Variants in GSDMC observed in about 807,000 individuals in gnomAD.
GSDMC encodes the protein gasdermin-C.
In GSDMC, 59 loss-of-function variants were observed where a neutral mutation model predicts 58.0. The observed-to-expected ratio is 1.02, with a 90% CI of 0.82 to 1.26. GSDMC has a LOEUF of 1.26. Among genes scored for constraint, GSDMC ranks in the 50% most tolerant of loss-of-function variants. The pLI, the probability that GSDMC is intolerant of heterozygous loss-of-function variation, is 0.00. For missense variants in GSDMC, 659 were observed against 598.5 expected, an observed-to-expected ratio of 1.10 and a Z score of -1.06; for synonymous variants, 241 against 220.2, an observed-to-expected ratio of 1.09 and a Z score of -0.83.
chr8:129,744,178 G>T (rs4308697), downstream of GSDMC, among the ~76,000 whole-genome samples: 1 of 152,318 alleles, frequency 6.6e-6, no homozygotes, highest in African/African-American at 2.4e-5. Context: ...CTGTGGTTCA[G>T]AATGTGCTCC....
intron 3 of GSDMC, among the ~76,000 whole-genome samples, chr8:129,774,811 A>G (rs1448520374): frequency 6.6e-6 from 1 of 152,236 alleles, no homozygotes; most frequent in East Asian, 1.9e-4. Context: ...GAAATAAGCT[A>G]ACAGGCACAT....
rs1044255255 is a variant in GSDMC at position 129,765,928 on chromosome 8, G to A, written c.405-135C>T. On this transcript the variant is annotated intron_variant, in intron 3 of 13. Transcript: ENST00000276708. Reference sequence around the variant, plus strand: ...ACCCTGACAGGTAAGTCACCAATGGGTGGTAGGGCAGCAGAATGTTTTATC... The same window carrying A: ...ACCCTGACAGGTAAGTCACCAATGGATGGTAGGGCAGCAGAATGTTTTATC... 42 of 630,924 alleles carry A rather than the reference G, an allele frequency of 6.7e-5. No homozygotes were observed. In the African/African-American group the frequency reaches 6.8e-4, roughly 10 times the overall value. The allele number at this position is 630,924 out of a possible 1,614,324, so 39.1% of individuals were successfully genotyped here.
the GSDMC span, among the ~76,000 whole-genome samples, chr8:129,731,718 G>A: frequency 6.6e-6 from 1 of 152,152 alleles, no homozygotes; most frequent in East Asian, 1.9e-4. Context: ...AAAGTTCACT[G>A]ATTTAAATGT....
intron 3 of GSDMC, among the ~76,000 whole-genome samples, chr8:129,772,625 G>A (rs561716137): frequency 1.3e-5 from 2 of 152,258 alleles, no homozygotes; most frequent in East Asian, 3.9e-4. Flanking sequence ...GATTAAATCA[G>A]TAATCAAAAA....
the GSDMC span, among the ~76,000 whole-genome samples, chr8:129,728,353 G>A: frequency 5.3e-5 from 8 of 152,288 alleles, no homozygotes; most frequent in South Asian, 2.1e-4. Context: ...ACACCCAGGC[G>A]GATCTCCGGG....
At chr8:129,707,064 C>A in the GSDMC span, 1 of 152,198 alleles carries the variant, frequency 6.6e-6, no homozygotes, top group Non-Finnish European at 1.5e-5. Context: ...CTTCCTCTCA[C>A]GGCACTGTAA....
chr8:129,776,819 G>A (rs960513037), intron 2 of GSDMC, among the ~76,000 whole-genome samples: 1 of 152,062 alleles, frequency 6.6e-6, no homozygotes, highest in Non-Finnish European at 1.5e-5. Context: ...GGAGTGCATT[G>A]GTGCAATCCC....
intron 2 of GSDMC, among the ~76,000 whole-genome samples, chr8:129,776,719 T>TTACTG (rs2034239377): frequency 6.8e-6 from 1 of 147,984 alleles, no homozygotes; most frequent in African/African-American, 2.6e-5. Flanking sequence ...GACATAACTG[T>TTACTG]TTTTTTGTTT....
At position 129,750,506 on chromosome 8, in the gene GSDMC, A is replaced by G; in HGVS notation, c.1008T>C (p.Asp336=). Residue 336 remains aspartate, a synonymous_variant, in exon 11 of 14, where the codon GAT becomes GAC. Transcript: ENST00000276708. ...TACTGTAGAACATGACATCCTGAACATCCTTTGAGAGCTGAGCCAGTGTCT... is the reference window on the plus strand; with the variant it reads ...TACTGTAGAACATGACATCCTGAACGTCCTTTGAGAGCTGAGCCAGTGTCT... ...KIKTLAQLSK[D]VQDVMFYSIL... 1.2e-6 allele frequency: 2 copies of G among 1,613,810 alleles called. No homozygotes were observed. The highest frequency in any genetic ancestry group is 1.7e-6 in the Non-Finnish European group (2 of 1,179,736).
At chr8:129,742,765 A>G in the GSDMC span, among the ~76,000 whole-genome samples, 1 of 152,166 alleles carries the variant, frequency 6.6e-6, no homozygotes, top group Admixed American at 6.5e-5. Flanking sequence ...CTGTCCAATT[A>G]CTTGAAAACC....
the GSDMC span, among the ~76,000 whole-genome samples, chr8:129,706,295 C>G: frequency 6.6e-6 from 1 of 152,170 alleles, no homozygotes; most frequent in African/African-American, 2.4e-5. Flanking sequence ...ATTCAATTAT[C>G]ATCCACTATT....
chr8:129,739,038 G>C, the GSDMC span, among the ~76,000 whole-genome samples: 1 of 130,186 alleles, frequency 7.7e-6, no homozygotes, highest in Admixed American at 7.6e-5. Context: ...AAAGAAAAAA[G>C]AGTTTTTATT....
chr8:129,779,585 C>A (rs1269780992), intron 1 of GSDMC, among the ~76,000 whole-genome samples: 2 of 151,530 alleles, frequency 1.3e-5, no homozygotes, highest in African/African-American at 2.4e-5. Flanking sequence ...CATAACAAAC[C>A]TACACATGTA....
At chr8:129,735,994 A>G in the GSDMC span, among the ~76,000 whole-genome samples, 2 of 152,242 alleles carry the variant, frequency 1.3e-5, no homozygotes, top group Admixed American at 1.3e-4. Context: ...ATCCCACAGG[A>G]ATACAAACTA....
chr8:129,748,752 A>T lies in GSDMC; in HGVS notation c.1288-12T>A. The T allele has an allele frequency of 6.6e-7, 1 of 1,507,850 alleles. No homozygotes were observed. The highest frequency in any genetic ancestry group is 8.8e-7 in the Non-Finnish European group (1 of 1,130,696). 93.4% of individuals were successfully genotyped at this position (1,507,850 alleles called of 1,614,324 possible). On this transcript the variant is annotated splice_polypyrimidine_tract_variant and intron_variant, in intron 13 of 13. Transcript: ENST00000276708. The stretch of plus-strand genomic sequence containing the variant: ...AGGATGCTCCTTACCTAGAAGAAAG[A>T]TGATCAGGTTCTACAGACCAGCCTT...
chr8:129,780,911 GT>G (rs2034387180), intron 1 of GSDMC, among the ~76,000 whole-genome samples: 1 of 142,620 alleles, frequency 7.0e-6, no homozygotes. Context: ...AGAATGTAGA[GT>G]TTTTATTAGT....
At chr8:129,719,279 A>G in the GSDMC span, among the ~76,000 whole-genome samples, 7 of 152,224 alleles carry the variant, frequency 4.6e-5, no homozygotes, top group Admixed American at 2.6e-4. Context: ...ACAGATTATA[A>G]TGTTCATTTC....
chr8:129,751,887 G>C lies in GSDMC; in HGVS notation c.891C>G (p.Tyr297Ter). ...QQFLSGHLPK[Y>*]EQVHILPVGR... is the part of the protein sequence containing the mutation. Reference sequence around the variant, plus strand: ...CTACTGGGAGGATGTGAACTTGTTCGTATTCTAAAAAAAGAAATGAAATTC... The same window carrying C: ...CTACTGGGAGGATGTGAACTTGTTCCTATTCTAAAAAAAGAAATGAAATTC... Residue 297 changes from tyrosine (Y) to a stop codon, truncating the protein, a stop_gained, in exon 9 of 14, where the codon TAC (tyrosine) becomes TAG (stop). Coordinates refer to ENST00000276708, the MANE Select transcript of GSDMC (RefSeq NM_031415.3). LOFTEE classifies it high-confidence loss of function. 1 of 1,611,610 alleles carries C rather than the reference G, an allele frequency of 6.2e-7. No homozygotes were observed. Among genetic ancestry groups the C allele is most frequent in the Non-Finnish European group, 8.5e-7 (1 of 1,178,418 alleles).
At chr8:129,734,334 G>A in the GSDMC span, among the ~76,000 whole-genome samples, 1 of 152,140 alleles carries the variant, frequency 6.6e-6, no homozygotes, top group Non-Finnish European at 1.5e-5. Context: ...ACACCACAAA[G>A]ATACTCCTCG....
Sources: allele counts gnomAD v4.1 joint callset (sites outside exome capture counted in the v4.1 genomes callset), GRCh38; gene constraint gnomAD v4.1.1; transcripts MANE v1.5; gene names NCBI Gene and HGNC (gene_info 2026-07-23, HGNC 2026-07-21).